PARD3: variants seen among roughly 807,000 people sequenced by gnomAD.
The protein encoded by PARD3 is par-3 family cell polarity regulator.
In PARD3, 75 loss-of-function variants were observed where a neutral mutation model predicts 155.4. The observed-to-expected ratio is 0.48, with a 90% CI of 0.40 to 0.58. The LOEUF (loss-of-function observed/expected upper bound fraction) is 0.58. Among genes scored for constraint, PARD3 ranks in the 20% least tolerant of loss-of-function variants. The pLI, the probability that PARD3 is intolerant of heterozygous loss-of-function variation, is 0.00. For missense variants in PARD3, 1,642 were observed against 1,721.7 expected (o/e 0.95, Z 0.82); for synonymous variants, 576 against 610.5 (o/e 0.94, Z 0.83).
At chr10:34,445,271 C>G in intron 5 of PARD3, among the ~76,000 whole-genome samples, 1 of 152,096 alleles carries the variant, frequency 6.6e-6, no homozygotes, top group East Asian at 1.9e-4. Context: ...TAAAGCATAA[C>G]CTAAGATTCC....
intron 2 of PARD3, among the ~76,000 whole-genome samples, chr10:34,690,144 A>G (rs1487406878): frequency 6.6e-6 from 1 of 152,150 alleles, no homozygotes; most frequent in Admixed American, 6.5e-5. Context: ...GGATTTCGCC[A>G]TGCTGGCCAG....
intron 21 of PARD3, among the ~76,000 whole-genome samples, chr10:34,279,141 CTTTT>C (rs143467605): frequency 9.8e-6 from 1 of 102,050 alleles, no homozygotes; most frequent in Non-Finnish European, 1.8e-5. Context: ...ATATTTTTTC[CTTTT>C]TTTTTTTTTT....
chr10:34,315,261 C>A (rs565950523), intron 20 of PARD3, among the ~76,000 whole-genome samples: 1 of 152,178 alleles, frequency 6.6e-6, no homozygotes, highest in African/African-American at 2.4e-5. Context: ...AGAAACAATA[C>A]ACATTTCTCC....
At chr10:34,417,842 ATG>A (rs1845816941) in intron 5 of PARD3, among the ~76,000 whole-genome samples, 8 of 152,320 alleles carry the variant, frequency 5.3e-5, no homozygotes, top group Admixed American at 4.6e-4. Context: ...CTGAGTAAAA[ATG>A]ACCAATGACC....
intron 1 of PARD3, among the ~76,000 whole-genome samples, chr10:34,704,796 T>C (rs1445726361): frequency 6.6e-6 from 1 of 152,182 alleles, no homozygotes; most frequent in African/African-American, 2.4e-5. Flanking sequence ...ATAATAACCA[T>C]GGCACACAGT....
intron 2 of PARD3, among the ~76,000 whole-genome samples, chr10:34,591,043 C>T (rs932927101): frequency 6.6e-6 from 1 of 152,062 alleles, no homozygotes; most frequent in East Asian, 1.9e-4. Context: ...GGAAACAGGG[C>T]GGGAAGTAAC....
At position 34,673,790 on chromosome 10, in the gene PARD3, A is replaced by G. The variant is rs193042285; in HGVS notation, c.222+22528T>C. On this transcript the variant is annotated intron_variant, in intron 2 of 24. Coordinates refer to ENST00000374788, the MANE Select transcript of PARD3 (RefSeq NM_001184785.2). ...AGACAGACAGACAGACAGGAAATTG[A>G]GACCAGTCTGGGCAACATGGTGAAA... Among the ~76,000 whole-genome samples, 14 of 152,334 alleles carry G rather than the reference A, an allele frequency of 9.2e-5. No homozygotes were observed. The East Asian group carries it at 2.7e-3, about 29-fold the overall frequency.
intron 1 of PARD3, among the ~76,000 whole-genome samples, chr10:34,704,108 A>C (rs2094327083): frequency 6.6e-6 from 1 of 152,214 alleles, no homozygotes; most frequent in Admixed American, 6.5e-5. Context: ...CCTGGAGCAG[A>C]GTGACCAGTC....
intron 22 of PARD3, among the ~76,000 whole-genome samples, chr10:34,142,660 C>G (rs983771488): frequency 6.6e-6 from 1 of 151,418 alleles, no homozygotes; most frequent in Non-Finnish European, 1.5e-5. Flanking sequence ...GGAAGGAAGG[C>G]AGGAAGGCAG....
intron 1 of PARD3, among the ~76,000 whole-genome samples, chr10:34,745,427 G>GCAGGGAAAGAGA (rs1835176507): frequency 1.5e-5 from 1 of 64,556 alleles, no homozygotes; most frequent in Non-Finnish European, 3.6e-5. Flanking sequence ...AGGAAGGGAG[G>GCAGGGAAAGAGA]GAGGGAAAGA....
intron 1 of PARD3, among the ~76,000 whole-genome samples, chr10:34,758,955 A>C (rs1273620504): frequency 6.6e-6 from 1 of 152,192 alleles, no homozygotes; most frequent in Non-Finnish European, 1.5e-5. Flanking sequence ...AACAAAGACT[A>C]TGACATGGAG....
rs201762519 is a variant in PARD3, at chr10:34,119,675, C to A, written c.3606G>T (p.Arg1202=). 19 of 1,612,550 alleles carry A rather than the reference C, an allele frequency of 1.2e-5. No individual in the cohort carries two copies. The East Asian group carries it at 4.0e-4, about 34-fold the overall frequency. ...HSVSVEVQMQ[R]QRQEERESSQ... ...AGCTCTCGCGCTCCTCCTGCCGCTG[C>A]CGCTGCATCTGCACCTCCACGGACA... The change falls in exon 24 of 25, where the codon CGG becomes CGT. Residue 1202 remains arginine (R), a synonymous_variant. Coordinates refer to ENST00000374788, the MANE Select transcript of PARD3 (RefSeq NM_001184785.2).
chr10:34,750,450 TTC>T (rs1356081967), intron 1 of PARD3, among the ~76,000 whole-genome samples: 2 of 120,492 alleles, frequency 1.7e-5, no homozygotes, highest in African/African-American at 3.2e-5. Context: ...TACATCCTCT[TTC>T]TCTCTTTCAA....
At chr10:34,395,154 C>A (rs893375399) in intron 7 of PARD3, among the ~76,000 whole-genome samples, 1 of 152,124 alleles carries the variant, frequency 6.6e-6, no homozygotes, top group African/African-American at 2.4e-5. Context: ...TGTGCCTCCG[C>A]CTCCCATGTA....
chr10:34,602,319 T>C (rs2089858488), intron 2 of PARD3, among the ~76,000 whole-genome samples: 1 of 152,206 alleles, frequency 6.6e-6, no homozygotes, highest in Non-Finnish European at 1.5e-5. Flanking sequence ...TTTTAACTGA[T>C]AGAATTAAAT....
intron 20 of PARD3, among the ~76,000 whole-genome samples, chr10:34,300,156 T>C (rs951741556): frequency 1.3e-5 from 2 of 152,172 alleles, no homozygotes; most frequent in African/African-American, 4.8e-5. Context: ...ATGGACACTG[T>C]TGCCCTGAAA....
intron 1 of PARD3, among the ~76,000 whole-genome samples, chr10:34,728,192 C>T (rs951298230): frequency 6.6e-6 from 1 of 152,018 alleles, no homozygotes; most frequent in Non-Finnish European, 1.5e-5. Context: ...ACCAAATTTA[C>T]CATATGTAAT....
chr10:34,526,080 C>CA (rs765686445), intron 2 of PARD3, among the ~76,000 whole-genome samples: 2,903 of 51,820 alleles, frequency 0.056, 307 homozygotes, highest in Middle Eastern at 0.093. Context: ...GACTCCGTAT[C>CA]AAAAAAAAAA....
intron 2 of PARD3, among the ~76,000 whole-genome samples, chr10:34,637,714 G>A (rs1427574267): frequency 6.6e-6 from 1 of 152,170 alleles, no homozygotes; most frequent in African/African-American, 2.4e-5. Flanking sequence ...CAGAGCAAAT[G>A]GGGAATCAGC....
Sources: gnomAD v4.1 joint callset for allele counts (sites outside exome capture counted in the v4.1 genomes callset) on GRCh38, gnomAD v4.1.1 for gene constraint, MANE v1.5 for transcripts, NCBI Gene and HGNC (gene_info 2026-07-23, HGNC 2026-07-21) for gene names.